The following ANKIB1 variants were observed in gnomAD, a reference collection of about 807,000 sequenced individuals.
The protein encoded by ANKIB1 is ankyrin repeat and IBR domain-containing protein 1.
Under a neutral mutation model 122.1 loss-of-function variants are expected in ANKIB1, and 43 were observed. That is an observed-to-expected ratio of 0.35 (90% CI 0.28 to 0.45). The LOEUF is 0.45. Among genes scored for constraint, ANKIB1 ranks in the 20% least tolerant of loss-of-function variants. The pLI, the probability that ANKIB1 is intolerant of heterozygous loss-of-function variation, is 1.00. For synonymous variants in ANKIB1, 390 were observed against 442.0 expected (o/e 0.88, Z 1.48); for missense variants, 992 against 1,329.5 (o/e 0.75, Z 3.95).
intron 5 of ANKIB1, among the ~76,000 whole-genome samples, chr7:92,334,649 TAATA>T (rs1803247891): frequency 6.6e-6 from 1 of 151,966 alleles, no homozygotes. Flanking sequence ...ACTCTAAAAG[TAATA>T]AATATCTATG....
intron 3 of ANKIB1, among the ~76,000 whole-genome samples, chr7:92,308,777 A>G (rs145558295): frequency 2.6e-5 from 4 of 152,302 alleles, no homozygotes; most frequent in African/African-American, 9.6e-5. Flanking sequence ...ACCAACATTC[A>G]TATCCATCCT....
At chr7:92,249,869 C>G (rs185272469) in intron 1 of ANKIB1, among the ~76,000 whole-genome samples, 3 of 152,214 alleles carry the variant, frequency 2.0e-5, no homozygotes, top group Admixed American at 1.3e-4. Context: ...GATCTCCCCC[C>G]CCACACGCGA....
At chr7:92,366,400 C>T (rs575811223) in intron 10 of ANKIB1, among the ~76,000 whole-genome samples, 2 of 152,160 alleles carry the variant, frequency 1.3e-5, no homozygotes, top group African/African-American at 4.8e-5. Flanking sequence ...ATATCACTTT[C>T]CCAGTCTTTT....
chr7:92,354,247 G>A (rs1207434994), intron 9 of ANKIB1, among the ~76,000 whole-genome samples: 2 of 152,116 alleles, frequency 1.3e-5, no homozygotes, highest in African/African-American at 4.8e-5. Flanking sequence ...TAAATTTCTA[G>A]AATAACATTT....
At chr7:92,272,983 CAT>C (rs1213373505) in intron 1 of ANKIB1, among the ~76,000 whole-genome samples, 1 of 151,986 alleles carries the variant, frequency 6.6e-6, no homozygotes, top group Non-Finnish European at 1.5e-5. Context: ...CATATCAAAA[CAT>C]AGAAAAATTA....
chr7:92,313,775 T>C (rs1457086270), intron 3 of ANKIB1, among the ~76,000 whole-genome samples: 1 of 152,168 alleles, frequency 6.6e-6, no homozygotes, highest in Admixed American at 6.5e-5. Context: ...ATTCTGAACG[T>C]TTATCTCTGG....
chr7:92,398,808 A>G lies in ANKIB1; in HGVS notation c.3129A>G (p.Glu1043=). 6.2e-7 allele frequency: 1 copy of G among 1,609,102 alleles called. No homozygotes were observed. The highest frequency in any genetic ancestry group is 8.5e-7 in the Non-Finnish European group (1 of 1,177,520). ...RGTQIEENPL[E]ENILAGEAAS... ...CCCAGATAGAAGAAAATCCTTTGGA[A>G]GAAAATATTCTGGCGGGGGAAGCAG... is the stretch of plus-strand genomic sequence containing the variant. The change falls in exon 20 of 20, where the codon GAA becomes GAG. Residue 1043 remains glutamate, a synonymous_variant. Coordinates refer to ENST00000265742, the MANE Select transcript of ANKIB1 (RefSeq NM_019004.2).
intron 4 of ANKIB1, among the ~76,000 whole-genome samples, chr7:92,325,043 G>C (rs542122862): frequency 6.6e-6 from 1 of 152,346 alleles, no homozygotes; most frequent in Admixed American, 6.5e-5. Flanking sequence ...TGATGGCTAG[G>C]AAGAGTGTGT....
At chr7:92,318,197 A>G in intron 3 of ANKIB1, among the ~76,000 whole-genome samples, 1 of 152,184 alleles carries the variant, frequency 6.6e-6, no homozygotes, top group East Asian at 1.9e-4. Flanking sequence ...TTACTATATT[A>G]TTATGAGTAT....
At position 92,387,794 on chromosome 7, in the gene ANKIB1, C is replaced by G. The variant is rs1296227587; in HGVS notation, c.1753-4C>G. The G allele has an allele frequency of 6.2e-7, 1 of 1,605,326 alleles. No individual in the cohort carries two copies. Among genetic ancestry groups the G allele is most frequent in the Middle Eastern group, 1.7e-4 (1 of 5,986 alleles). ...AAAGTCATTTGTGGACTTTTGTTTT[C>G]TAGGCTGAGAAAAAACACAAACGAT... On this transcript the variant is annotated splice_region_variant and splice_polypyrimidine_tract_variant and intron_variant, in intron 12 of 19. Transcript: ENST00000265742.
intron 10 of ANKIB1, among the ~76,000 whole-genome samples, chr7:92,363,110 A>T (rs1355237515): frequency 1.3e-5 from 2 of 151,804 alleles, no homozygotes; most frequent in African/African-American, 2.4e-5. Context: ...AAGTCACCCA[A>T]TAAATCTACA....
chr7:92,375,068 T>G (rs1491001775), intron 11 of ANKIB1, among the ~76,000 whole-genome samples: 1 of 150,216 alleles, frequency 6.7e-6, no homozygotes, highest in Non-Finnish European at 1.5e-5. Context: ...CACTGTCTGT[T>G]AAGTGTAATA....
At position 92,294,948 on chromosome 7, in the gene ANKIB1, C is replaced by T. The variant is rs372811260; in HGVS notation, c.-31C>T. ...GGCTGAAGATAGAAGGAAAAAAGTG[C>T]CACTGCCTATCAGAAAAAACAAAAC... On this transcript the variant is annotated 5_prime_UTR_variant, in exon 2 of 20. Transcript: ENST00000265742. The T allele has an allele frequency of 3.9e-6, 6 of 1,532,648 alleles. No individual in the cohort carries two copies. The highest frequency in any genetic ancestry group is 4.4e-6 in the Non-Finnish European group (5 of 1,134,444). The allele number at this position is 1,532,648 out of a possible 1,614,324, so 94.9% of individuals were successfully genotyped here.
chr7:92,334,389 G>A (rs1803241954), intron 5 of ANKIB1, among the ~76,000 whole-genome samples: 1 of 151,982 alleles, frequency 6.6e-6, no homozygotes, highest in African/African-American at 2.4e-5. Context: ...CTAACATTTT[G>A]AATGGCAGCA....
At chr7:92,326,852 T>C (rs1244003049) in intron 4 of ANKIB1, among the ~76,000 whole-genome samples, 2 of 152,124 alleles carry the variant, frequency 1.3e-5, no homozygotes, top group African/African-American at 4.8e-5. Flanking sequence ...CAGGCTAGAC[T>C]GCAGTGGCTA....
At chr7:92,287,441 G>A (rs1391597491) in intron 1 of ANKIB1, among the ~76,000 whole-genome samples, 4 of 152,140 alleles carry the variant, frequency 2.6e-5, no homozygotes, top group Admixed American at 1.3e-4. Flanking sequence ...CTCATATTAT[G>A]TTGATATAAA....
At chr7:92,352,782 GTAA>G in intron 9 of ANKIB1, 140 bp downstream of exon 9, 1 of 900,952 alleles carries the variant, frequency 1.1e-6, no homozygotes, top group Non-Finnish European at 1.7e-6. Context: ...GTAAGAAGTA[GTAA>G]TAGTTCATAT....
At chr7:92,331,372 A>G (rs190643504) in intron 5 of ANKIB1, among the ~76,000 whole-genome samples, 2 of 151,028 alleles carry the variant, frequency 1.3e-5, no homozygotes, top group Admixed American at 1.3e-4. Context: ...GGTTCAAGCG[A>G]TTCTCTTGCC....
At chr7:92,358,763 ATTTG>A (rs147085058) in intron 9 of ANKIB1, among the ~76,000 whole-genome samples, 14,442 of 152,076 alleles carry the variant, frequency 0.095, 875 homozygotes, top group East Asian at 0.36. Flanking sequence ...CATTGATTGC[ATTTG>A]TTTGTTTTAG....
Sources: allele counts gnomAD v4.1 joint callset (sites outside exome capture counted in the v4.1 genomes callset), GRCh38; gene constraint gnomAD v4.1.1; transcripts MANE v1.5; gene names NCBI Gene and HGNC (gene_info 2026-07-23, HGNC 2026-07-21).